The following RNPC3 variants were observed in gnomAD, a reference collection of about 807,000 sequenced individuals.
RNPC3 encodes the protein RNA-binding region-containing protein 3.
A neutral mutation model predicts 67.5 loss-of-function variants in RNPC3; 48 were observed. The observed-to-expected ratio is 0.71, with a 90% CI of 0.56 to 0.90. The LOEUF (loss-of-function observed/expected upper bound fraction) is 0.90, where lower values mean the gene tolerates loss of function less well. Among genes scored for constraint, RNPC3 ranks in the 40% least tolerant of loss-of-function variants. RNPC3 has a pLI of 0.00. For synonymous variants in RNPC3, 239 were observed against 210.3 expected (o/e 1.14, Z -1.18); for missense variants, 637 against 626.1 (o/e 1.02, Z -0.19).
At chr1:103,535,930 T>C (rs1441326606) in intron 5 of RNPC3, among the ~76,000 whole-genome samples, 196 bp from the exon 6 acceptor site, 1 of 152,100 alleles carries the variant, frequency 6.6e-6, no homozygotes, top group Non-Finnish European at 1.5e-5. Context: ...ACATGTAGAA[T>C]TGACATTTTA....
chr1:103,537,954 C>G (rs937811114), intron 7 of RNPC3, among the ~76,000 whole-genome samples: 3 of 152,068 alleles, frequency 2.0e-5, no homozygotes, highest in Non-Finnish European at 4.4e-5. Flanking sequence ...AGCGATTTTC[C>G]TGCCTCAGCT....
At chr1:103,541,083 A>G (rs1365341573) in intron 7 of RNPC3, among the ~76,000 whole-genome samples, 2 of 152,266 alleles carry the variant, frequency 1.3e-5, no homozygotes, top group Admixed American at 6.5e-5. Flanking sequence ...ATGATGAAAC[A>G]TACATTTTAA....
intron 10 of RNPC3, 140 bp from the exon 11 acceptor site, chr1:103,546,108 T>TTA: frequency 2.4e-6 from 1 of 415,274 alleles, no homozygotes; most frequent in Non-Finnish European, 4.2e-6. Context: ...AATTTTCATT[T>TTA]TATGTTAAAG....
At chr1:103,530,304 C>T (rs1203935467) in intron 2 of RNPC3, among the ~76,000 whole-genome samples, 4 of 151,980 alleles carry the variant, frequency 2.6e-5, no homozygotes, top group African/African-American at 9.7e-5. Context: ...ACAAGTAGAG[C>T]AATAAGATCA....
At chr1:103,545,172 A>T in intron 10 of RNPC3, 70 bp downstream of exon 10, 1 of 1,248,274 alleles carries the variant, frequency 8.0e-7, no homozygotes, top group South Asian at 1.4e-5. Flanking sequence ...AACAAAACAA[A>T]TCTGTCATGC....
chr1:103,540,109 C>T lies in RNPC3; in HGVS notation c.768-1241C>T, dbSNP rs146336852. ...CTCAAAATCCTGGGCTCAAGTGACC[C>T]GCCCTCCTTGGCCTCCCAAAGTGCT... On this transcript the variant is annotated intron_variant, in intron 7 of 14. Transcript: ENST00000423855. 6.8e-3 allele frequency among the ~76,000 whole-genome samples: 1,039 copies of T among 152,278 alleles called. 14 individuals carry two copies. The highest frequency in any genetic ancestry group is 0.024 in the African/African-American group (983 of 41,554).
intron 12 of RNPC3, among the ~76,000 whole-genome samples, chr1:103,548,081 C>T (rs1346098818): frequency 6.6e-6 from 1 of 152,180 alleles, no homozygotes; most frequent in Non-Finnish European, 1.5e-5. Context: ...CTGCACACAG[C>T]ACAGGGACCC....
intron 7 of RNPC3, among the ~76,000 whole-genome samples, chr1:103,539,354 T>TA (rs2101047267): frequency 1.3e-5 from 2 of 152,282 alleles, no homozygotes; most frequent in East Asian, 1.9e-4. Flanking sequence ...AGGGAAGAGT[T>TA]AAAATCAAAG....
chr1:103,549,388 A>C (rs1651328972), intron 12 of RNPC3, among the ~76,000 whole-genome samples: 1 of 152,194 alleles, frequency 6.6e-6, no homozygotes, highest in South Asian at 2.1e-4. Context: ...ACCGTGTTTC[A>C]CAATTCTCTA....
At chr1:103,540,767 T>C (rs1297853898) in intron 7 of RNPC3, among the ~76,000 whole-genome samples, 1 of 152,192 alleles carries the variant, frequency 6.6e-6, no homozygotes, top group Non-Finnish European at 1.5e-5. Flanking sequence ...ATCTTTAATA[T>C]TAAATATTCA....
intron 9 of RNPC3, among the ~76,000 whole-genome samples, 187 bp from the exon 10 acceptor site, chr1:103,544,754 T>A (rs1309087141): frequency 6.8e-6 from 1 of 147,204 alleles, no homozygotes; most frequent in African/African-American, 2.5e-5. Context: ...TTTAACAAAA[T>A]TTTTTTTTTT....
intron 2 of RNPC3, among the ~76,000 whole-genome samples, chr1:103,529,392 G>T (rs1394245310): frequency 1.3e-5 from 2 of 152,120 alleles, no homozygotes; most frequent in Admixed American, 1.3e-4. Flanking sequence ...ATTGTCTTTG[G>T]AAATGTCTGT....
At chr1:103,534,251 G>A (rs1650931636) in intron 3 of RNPC3, among the ~76,000 whole-genome samples, 1 of 151,960 alleles carries the variant, frequency 6.6e-6, no homozygotes, top group South Asian at 2.1e-4. Flanking sequence ...TACACTAGTG[G>A]TTCTCAAAGT....
In RNPC3 at chr1:103,526,171, T is replaced by C. The variant is rs1650700732; in HGVS notation, c.101T>C (p.Leu34Pro). 1 of 1,551,460 alleles carries C rather than the reference T, an allele frequency of 6.4e-7. No homozygotes were observed. Residue 34 changes from leucine (L) to proline (P), a missense_variant, in exon 1 of 15, where the codon CTG becomes CCG. Transcript: ENST00000423855. ...GACCGAACCCTTCTGGTCAGGCACC[T>C]GCCGGCTGAGCTTACTGCTGAGGAG... ...RGDRTLLVRH[L>P]PAELTAEEKE...
chr1:103,540,373 G>A (rs1651095390), intron 7 of RNPC3, among the ~76,000 whole-genome samples: 1 of 152,152 alleles, frequency 6.6e-6, no homozygotes, highest in Admixed American at 6.5e-5. Context: ...TCTGGTTCCA[G>A]CCATTTTGGA....
At chr1:103,533,701 C>A in intron 2 of RNPC3, 38 bp from the exon 3 acceptor site, 4 of 1,089,496 alleles carry the variant, frequency 3.7e-6, no homozygotes, top group Admixed American at 2.2e-5. Flanking sequence ...ATTTTTGGTA[C>A]AATTGTGAAA....
chr1:103,537,028 C>G (rs914694747), intron 6 of RNPC3, among the ~76,000 whole-genome samples: 1 of 152,138 alleles, frequency 6.6e-6, no homozygotes, highest in African/African-American at 2.4e-5. Context: ...GCTACACAGT[C>G]TGCAGATCAG....
In RNPC3 at chr1:103,537,416, A is replaced by C. The variant is rs1430562839; in HGVS notation, c.699A>C (p.Pro233=). 1 of 1,536,408 alleles carries C rather than the reference A, an allele frequency of 6.5e-7. No homozygotes were observed. Among genetic ancestry groups the C allele is most frequent in the South Asian group, 1.2e-5 (1 of 84,044 alleles). Residue 233 remains proline, a synonymous_variant, in exon 7 of 15, where the codon CCA becomes CCC. Transcript: ENST00000423855. ...SPQPPEEPPL[P]DEDEELSSEE... The stretch of plus-strand genomic sequence containing the variant: ...AGCCACCTGAGGAACCTCCTTTGCC[A>C]GACGAGGATGAGGAATTATCTAGTG...
At chr1:103,551,883 C>CTT in intron 14 of RNPC3, 91 bp downstream of exon 14, 1 of 606,900 alleles carries the variant, frequency 1.6e-6, no homozygotes, top group Non-Finnish European at 2.7e-6. Flanking sequence ...ATTCAGGTAT[C>CTT]TCTTTTTTTT....
Sources: allele counts gnomAD v4.1 joint callset (sites outside exome capture counted in the v4.1 genomes callset), GRCh38; gene constraint gnomAD v4.1.1; transcripts MANE v1.5; gene names NCBI Gene and HGNC (gene_info 2026-07-23, HGNC 2026-07-21).